Variants in NHSL2 observed in about 807,000 individuals in gnomAD.
NHSL2 encodes NHS-like protein 2.
In NHSL2, 27 loss-of-function variants were observed where a neutral mutation model predicts 53.4. The ratio of observed to expected loss-of-function variants is 0.51; its 90% CI spans 0.37 to 0.70. The LOEUF (loss-of-function observed/expected upper bound fraction) is 0.70. NHSL2 is among the 30% of genes least tolerant of loss of function. The pLI is 0.00. For missense variants in NHSL2, 892 were observed against 980.1 expected, an observed-to-expected ratio of 0.91 and a Z score of 1.20; for synonymous variants, 408 against 404.1, an observed-to-expected ratio of 1.01 and a Z score of -0.12.
intron 1 of NHSL2, among the ~76,000 whole-genome samples, chrX:72,094,516 T>TAA (rs1317398736): frequency 9.8e-6 from 1 of 102,247 alleles, no homozygotes; most frequent in East Asian, 3.0e-4. Context: ...GTTCGTCATC[T>TAA]AAAAAAAAAA....
chrX:72,041,360 A>G (rs2042273393), intron 1 of NHSL2, among the ~76,000 whole-genome samples: 1 of 111,802 alleles, frequency 8.9e-6, no homozygotes, highest in Admixed American at 9.4e-5. Flanking sequence ...GAGAGTCTGC[A>G]CCCTGTCTAA....
intron 1 of NHSL2, among the ~76,000 whole-genome samples, chrX:72,100,459 T>C (rs1479656330): frequency 8.9e-6 from 1 of 112,277 alleles, no homozygotes; most frequent in East Asian, 2.8e-4. Flanking sequence ...CACTGTCATA[T>C]ATGCAGTTGT....
rs1186007640 is a variant in NHSL2 at position 72,143,429 on chromosome X, C to T, written c.3533C>T (p.Ala1178Val). ...GCTGGCAGAAATGACGATTTCAAGG[C>T]CTTGCTACAGAAGAAGGGAAGTAAG... is the stretch of plus-strand genomic sequence containing the variant. ...LDAGRNDDFK[A>V]LLQKKGSKAT... is the part of the protein sequence containing the mutation. Residue 1178 changes from alanine to valine, a missense_variant, in exon 8 of 8, where the codon GCC becomes GTC. Transcript: ENST00000633930. The T allele has an allele frequency of 1.2e-5, 14 of 1,165,502 alleles. No individual in the cohort carries two copies. In the Admixed American group the frequency reaches 3.1e-4, roughly 26 times the overall value.
chrX:72,090,361 G>A (rs1048415921), intron 1 of NHSL2, among the ~76,000 whole-genome samples: 5 of 111,574 alleles, frequency 4.5e-5, no homozygotes, highest in South Asian at 3.7e-4. Context: ...CACCGTGCCC[G>A]GCCGTATCTT....
At chrX:71,929,787 C>T (rs1283420966) in intron 1 of NHSL2, among the ~76,000 whole-genome samples, 3 of 109,819 alleles carry the variant, frequency 2.7e-5, no homozygotes, top group African/African-American at 1.0e-4. Context: ...CAGTGTCTTG[C>T]TCTGTTGCCC....
chrX:71,975,696 C>G (rs1353956408), intron 1 of NHSL2, among the ~76,000 whole-genome samples: 3 of 110,684 alleles, frequency 2.7e-5, no homozygotes, highest in African/African-American at 9.9e-5. Context: ...CATCACCATT[C>G]CTCCCAGCAT....
In NHSL2 at chrX:72,137,192, A is replaced by G. The variant is rs933295610; in HGVS notation, c.859A>G (p.Ile287Val). 1 of 1,164,917 alleles carries G rather than the reference A, an allele frequency of 8.6e-7. No individual in the cohort carries two copies. The highest frequency in any genetic ancestry group is 1.8e-5 in the African/African-American group (1 of 55,508). Residue 287 changes from isoleucine to valine, a missense_variant, in exon 5 of 8, where the codon ATT becomes GTT. By Grantham distance (29) the Ile-to-Val change is conservative. Transcript: ENST00000633930. ...KSTLRRRRTI[I>V]GFSNFSQRDQ... ...CACCCTGAGGCGGAGGCGGACCATT[A>G]TTGGATTCTCTAACTTTTCCCAGCG... is the stretch of plus-strand genomic sequence containing the variant.
chrX:72,095,656 C>T lies in NHSL2; in HGVS notation c.281-36423C>T, dbSNP rs192916445. Among the ~76,000 whole-genome samples the T allele has an allele frequency of 4.5e-5, 5 of 111,742 alleles. No homozygotes were observed. In the East Asian group the frequency reaches 1.4e-3, roughly 32 times the overall value. On this transcript the variant is annotated intron_variant, in intron 1 of 7. Transcript: ENST00000633930. Reference sequence around the variant, plus strand: ...AGCCCCTTATACAGCCAAGAAATATCAAAGTGCCTCTCAACTCCATGCCCT... The same window carrying T: ...AGCCCCTTATACAGCCAAGAAATATTAAAGTGCCTCTCAACTCCATGCCCT...
At chrX:71,913,408 C>T (rs1045286081) in intron 1 of NHSL2, among the ~76,000 whole-genome samples, 7 of 111,989 alleles carry the variant, frequency 6.3e-5, no homozygotes, top group African/African-American at 2.3e-4. Context: ...ACTCCCTTGT[C>T]GCTCAGGCAT....
At chrX:72,118,394 A>G (rs1359909853) in intron 1 of NHSL2, among the ~76,000 whole-genome samples, 2 of 112,110 alleles carry the variant, frequency 1.8e-5, no homozygotes. Flanking sequence ...TATCAAACAT[A>G]TGATGTGCAA....
intron 1 of NHSL2, among the ~76,000 whole-genome samples, chrX:72,103,697 G>T (rs1185760502): frequency 1.8e-5 from 2 of 112,229 alleles, no homozygotes; most frequent in African/African-American, 6.5e-5. Context: ...GGGTAATCTT[G>T]GTTGGGCCAT....
intron 1 of NHSL2, among the ~76,000 whole-genome samples, chrX:72,126,221 C>A (rs201726491): frequency 2.7e-5 from 3 of 111,779 alleles, no homozygotes; most frequent in Non-Finnish European, 5.6e-5. Flanking sequence ...GTTTCCCCCA[C>A]GGGAATCCTG....
intron 1 of NHSL2, among the ~76,000 whole-genome samples, chrX:72,115,850 A>G (rs1056082423): frequency 1.1e-4 from 12 of 111,520 alleles, no homozygotes; most frequent in Non-Finnish European, 3.8e-5. Context: ...GATTCTCAAA[A>G]TATGATCTTT....
chrX:72,080,122 G>T (rs1164723517), intron 1 of NHSL2: 1 of 112,448 alleles, frequency 8.9e-6, no homozygotes, highest in African/African-American at 3.2e-5. Context: ...GGAGCCTAGG[G>T]ACAGGGTTTG....
At chrX:72,026,070 C>G (rs1307211139) in intron 1 of NHSL2, among the ~76,000 whole-genome samples, 2 of 112,299 alleles carry the variant, frequency 1.8e-5, no homozygotes, top group Admixed American at 9.4e-5. Flanking sequence ...ATGAAGGAGA[C>G]TCAGGGCTCC....
chrX:71,981,774 C>T (rs1387552698), intron 1 of NHSL2, among the ~76,000 whole-genome samples: 1 of 111,541 alleles, frequency 9.0e-6, no homozygotes, highest in African/African-American at 3.3e-5. Context: ...CACATGAGAT[C>T]CCACTTCCCA....
intron 1 of NHSL2, among the ~76,000 whole-genome samples, chrX:72,125,613 CTGTT>C (rs755654347): frequency 2.7e-4 from 30 of 111,950 alleles, no homozygotes; most frequent in Non-Finnish European, 5.1e-4. Context: ...AAGGCTGACT[CTGTT>C]TGTCTTTTTT....
At chrX:72,140,931 C>A in intron 6 of NHSL2, 160 bp downstream of exon 6, 1 of 447,491 alleles carries the variant, frequency 2.2e-6, no homozygotes, top group Non-Finnish European at 3.8e-6. Flanking sequence ...ATAGGAACCA[C>A]GGGCTGGCCT....
chrX:72,091,334 G>C (rs1174975134), intron 1 of NHSL2, among the ~76,000 whole-genome samples: 3 of 111,339 alleles, frequency 2.7e-5, no homozygotes, highest in Non-Finnish European at 1.9e-5. Context: ...GGCGCCTGTA[G>C]TCCCAGCTAC....
Sources: gnomAD v4.1 joint callset for allele counts (sites outside exome capture counted in the v4.1 genomes callset) on GRCh38, gnomAD v4.1.1 for gene constraint, MANE v1.5 for transcripts, NCBI Gene and HGNC (gene_info 2026-07-23, HGNC 2026-07-21) for gene names.